The following RBMS3 variants were observed in gnomAD, a reference collection of about 807,000 sequenced individuals.
RBMS3 encodes the protein RNA-binding motif, single-stranded-interacting protein 3.
RBMS3 carries 27 observed loss-of-function variants against 66.8 expected under a neutral mutation model. The observed-to-expected ratio is 0.40, with a 90% CI of 0.30 to 0.56. RBMS3 has a LOEUF of 0.56. Ranked by LOEUF, RBMS3 falls within the 20% of genes least tolerant of loss-of-function variation. The pLI, the probability that RBMS3 is intolerant of heterozygous loss-of-function variation, is 0.40. For missense variants in RBMS3, 513 were observed against 549.5 expected (o/e 0.93, Z 0.66); for synonymous variants, 188 against 183.0 (o/e 1.03, Z -0.22).
intron 3 of RBMS3, among the ~76,000 whole-genome samples, chr3:29,498,412 T>C (rs1000183695): frequency 6.6e-6 from 1 of 152,182 alleles, no homozygotes; most frequent in African/African-American, 2.4e-5. Context: ...AAATTGTATA[T>C]ACTAATGTAT....
chr3:29,418,217 C>T (rs969897845), intron 1 of RBMS3, among the ~76,000 whole-genome samples: 1 of 152,138 alleles, frequency 6.6e-6, no homozygotes, highest in African/African-American at 2.4e-5. Context: ...ATGGAACACA[C>T]TAGGTCATGC....
chr3:29,620,405 A>T (rs775213172), intron 4 of RBMS3, among the ~76,000 whole-genome samples: 1 of 152,102 alleles, frequency 6.6e-6, no homozygotes, highest in Non-Finnish European at 1.5e-5. Context: ...TCTTTCATAT[A>T]TTGAAGTTTA....
intron 4 of RBMS3, among the ~76,000 whole-genome samples, chr3:29,723,613 G>A (rs2053737720): frequency 6.6e-6 from 1 of 152,092 alleles, no homozygotes; most frequent in African/African-American, 2.4e-5. Flanking sequence ...AGCTAATATT[G>A]TTGTCCTATT....
chr3:29,679,053 C>A (rs938457218), intron 4 of RBMS3, among the ~76,000 whole-genome samples: 9 of 152,076 alleles, frequency 5.9e-5, no homozygotes, highest in African/African-American at 2.2e-4. Context: ...GTCCTAGAAT[C>A]ACAGCTTCAG....
chr3:29,917,902 A>G (rs141109240), intron 10 of RBMS3, among the ~76,000 whole-genome samples: 43 of 152,278 alleles, frequency 2.8e-4, no homozygotes, highest in Admixed American at 2.6e-3. Flanking sequence ...ATGCTTTGGA[A>G]TAATGTCCTC....
At chr3:29,344,787 A>G (rs1205508502) in intron 1 of RBMS3, among the ~76,000 whole-genome samples, 1 of 152,126 alleles carries the variant, frequency 6.6e-6, no homozygotes, top group Admixed American at 6.6e-5. Flanking sequence ...TCTTTCCAAA[A>G]AGGATTATTT....
chr3:29,713,543 G>A (rs1013345164), intron 4 of RBMS3, among the ~76,000 whole-genome samples: 5 of 152,068 alleles, frequency 3.3e-5, no homozygotes, highest in Non-Finnish European at 5.9e-5. Context: ...CAGAAGAAAA[G>A]CAATAATATA....
At chr3:29,379,125 G>A (rs531599894) in intron 1 of RBMS3, among the ~76,000 whole-genome samples, 2 of 152,192 alleles carry the variant, frequency 1.3e-5, no homozygotes, top group Non-Finnish European at 2.9e-5. Flanking sequence ...ACATATATAT[G>A]TACATACAGG....
At chr3:29,995,975 A>G (rs1429639818) in intron 14 of RBMS3, among the ~76,000 whole-genome samples, 1 of 152,206 alleles carries the variant, frequency 6.6e-6, no homozygotes, top group Non-Finnish European at 1.5e-5. Flanking sequence ...AGACTGGCAA[A>G]TTGGATCAAG....
intron 3 of RBMS3, among the ~76,000 whole-genome samples, chr3:29,506,102 G>A (rs566000849): frequency 3.8e-4 from 57 of 151,568 alleles, no homozygotes; most frequent in Non-Finnish European, 7.2e-4. Context: ...GCTAGGGGAC[G>A]TCCAGTAATA....
chr3:29,555,685 A>C (rs1322366385), intron 3 of RBMS3, among the ~76,000 whole-genome samples: 1 of 152,174 alleles, frequency 6.6e-6, no homozygotes, highest in Admixed American at 6.5e-5. Context: ...TCTGTTGTGC[A>C]TTTTAACAGT....
intron 4 of RBMS3, among the ~76,000 whole-genome samples, chr3:29,701,608 G>A (rs1047920102): frequency 2.6e-5 from 4 of 152,206 alleles, no homozygotes; most frequent in Non-Finnish European, 4.4e-5. Context: ...GGGGCTGCGC[G>A]CGTCGTTCAC....
chr3:29,592,598 G>A (rs62236036), intron 4 of RBMS3, among the ~76,000 whole-genome samples: 22,598 of 152,094 alleles, frequency 0.15, 1,935 homozygotes, highest in East Asian at 0.32. Flanking sequence ...CAGACAGTGT[G>A]GTGATTCCTC....
intron 1 of RBMS3, among the ~76,000 whole-genome samples, chr3:29,335,786 A>G (rs2035912034): frequency 6.6e-6 from 1 of 152,100 alleles, no homozygotes; most frequent in African/African-American, 2.4e-5. Context: ...TAAAAGATAC[A>G]TTTGTGAAAT....
In RBMS3 at chr3:29,292,485, T is replaced by C. The variant is rs563451531; in HGVS notation, c.75+10729T>C. 3.3e-5 allele frequency among the ~76,000 whole-genome samples: 5 copies of C among 152,050 alleles called. No homozygotes were observed. In the East Asian group the frequency reaches 5.8e-4, roughly 18 times the overall value. On this transcript the variant is annotated intron_variant, in intron 1 of 14. Coordinates refer to ENST00000383767, the MANE Select transcript of RBMS3 (RefSeq NM_001003793.3). ...GTACCTTCTCATGATCTGAGATACA[T>C]TGACAGTATATTACGCAAGTTAGCT...
At chr3:29,719,290 T>C (rs1325704916) in intron 4 of RBMS3, among the ~76,000 whole-genome samples, 1 of 152,186 alleles carries the variant, frequency 6.6e-6, no homozygotes, top group African/African-American at 2.4e-5. Flanking sequence ...GACATTGGAC[T>C]AGGAGCTGAA....
At chr3:29,644,058 A>G (rs1349747192) in intron 4 of RBMS3, among the ~76,000 whole-genome samples, 4 of 152,150 alleles carry the variant, frequency 2.6e-5, no homozygotes, top group Non-Finnish European at 5.9e-5. Flanking sequence ...ACATTTCTCC[A>G]GCTTCTCATA....
intron 3 of RBMS3, among the ~76,000 whole-genome samples, chr3:29,503,529 G>A (rs1170851792): frequency 6.6e-6 from 1 of 151,868 alleles, no homozygotes; most frequent in Non-Finnish European, 1.5e-5. Context: ...TAGTTCCTGA[G>A]TGGTCTTTCT....
intron 4 of RBMS3, among the ~76,000 whole-genome samples, chr3:29,606,448 G>A (rs944766856): frequency 5.9e-5 from 9 of 151,992 alleles, no homozygotes; most frequent in Non-Finnish European, 7.4e-5. Context: ...GATCCCAGAG[G>A]ATTTCAATAA....
Sources: allele counts gnomAD v4.1 joint callset (sites outside exome capture counted in the v4.1 genomes callset), GRCh38; gene constraint gnomAD v4.1.1; transcripts MANE v1.5; gene names NCBI Gene and HGNC (gene_info 2026-07-23, HGNC 2026-07-21).